FYN: variants seen among roughly 807,000 people sequenced by gnomAD.
FYN encodes the protein FYN proto-oncogene, Src family tyrosine kinase.
FYN carries 10 observed loss-of-function variants against 70.2 expected under a neutral mutation model. That is an observed-to-expected ratio of 0.14 (90% CI 0.09 to 0.24). FYN has a LOEUF of 0.24. Ranked by LOEUF, FYN falls within the 10% of genes least tolerant of loss-of-function variation. The probability of loss-of-function intolerance (pLI) is 1.00; values close to 1 mark genes in which losing one functional copy is unlikely to be tolerated. For synonymous variants in FYN, 236 were observed against 248.6 expected (o/e 0.95, Z 0.48); for missense variants, 319 against 673.1 (o/e 0.47, Z 5.82).
intron 2 of FYN, among the ~76,000 whole-genome samples, chr6:111,791,293 T>C (rs1771612523): frequency 1.3e-5 from 2 of 152,152 alleles, no homozygotes; most frequent in Non-Finnish European, 2.9e-5. Context: ...GTAATAAATG[T>C]ATAAAAGTAT....
At chr6:111,802,436 CT>C (rs71553347) in intron 2 of FYN, among the ~76,000 whole-genome samples, 73 of 120,998 alleles carry the variant, frequency 6.0e-4, no homozygotes, top group Non-Finnish European at 9.2e-4. Flanking sequence ...CAGGTAATCC[CT>C]TTTTTTTTTC....
intron 2 of FYN, among the ~76,000 whole-genome samples, chr6:111,821,757 G>A (rs1326109388): frequency 6.6e-6 from 1 of 151,914 alleles, no homozygotes; most frequent in Non-Finnish European, 1.5e-5. Context: ...CTAATATCCA[G>A]AATCTACAAA....
chr6:111,816,953 T>C (rs555232116), intron 2 of FYN, among the ~76,000 whole-genome samples: 200 of 152,330 alleles, frequency 1.3e-3, no homozygotes, highest in Non-Finnish European at 2.3e-3. Flanking sequence ...GTCTGCTACA[T>C]AGTAAGACTG....
intron 2 of FYN, among the ~76,000 whole-genome samples, chr6:111,797,549 TTAAA>T (rs1771843799): frequency 6.6e-6 from 1 of 150,766 alleles, no homozygotes; most frequent in East Asian, 1.9e-4. Context: ...TAGTGAATGG[TTAAA>T]TAAATTAGTC....
chr6:111,831,081 T>C (rs778217198), intron 2 of FYN, among the ~76,000 whole-genome samples: 3 of 152,170 alleles, frequency 2.0e-5, no homozygotes, highest in Admixed American at 1.3e-4. Context: ...AGTGTGCGTA[T>C]ACATGTACAG....
chr6:111,763,010 CTT>C (rs1256170783), intron 3 of FYN, among the ~76,000 whole-genome samples: 4 of 152,172 alleles, frequency 2.6e-5, no homozygotes, highest in Admixed American at 6.5e-5. Context: ...TGACAAGAAT[CTT>C]TATCTTTCAG....
chr6:111,681,002 C>T lies in FYN; in HGVS notation c.1274-6372G>A, dbSNP rs527489004. ...TAGCTAGGATGCTAGATGTGCACCA[C>T]CATGCCTGGCTAATGTTTAATTTAA... On this transcript the variant is annotated intron_variant, in intron 12 of 13. Coordinates refer to ENST00000354650, the MANE Select transcript of FYN (RefSeq NM_002037.5). Among the ~76,000 whole-genome samples the T allele has an allele frequency of 3.9e-4, 60 of 151,940 alleles. No homozygotes were observed. The Middle Eastern group carries it at 0.01, about 26-fold the overall frequency.
chr6:111,836,447 CCAA>C lies in FYN; in HGVS notation c.-82+10139_-82+10141del, dbSNP rs60069708. On this transcript the variant is annotated intron_variant, in intron 2 of 13. Coordinates refer to ENST00000354650, the MANE Select transcript of FYN (RefSeq NM_002037.5). Reference sequence around the variant, plus strand: ...AAAGAAAAATTTTTAAATTATATTTCCAACAACAACAACAACAACAACAAAACA... The same window carrying C: ...AAAGAAAAATTTTTAAATTATATTTCCAACAACAACAACAACAACAAAACA... 1.1e-3 allele frequency among the ~76,000 whole-genome samples: 160 copies of C among 151,812 alleles called. 1 individual carries two copies. The highest frequency in any genetic ancestry group is 3.4e-3 in the Middle Eastern group (1 of 294).
At chr6:111,829,364 T>TA (rs1772941249) in intron 2 of FYN, among the ~76,000 whole-genome samples, 1 of 152,196 alleles carries the variant, frequency 6.6e-6, no homozygotes, top group Non-Finnish European at 1.5e-5. Context: ...CACCGGTCTG[T>TA]AGTAAAATCT....
chr6:111,855,798 G>A (rs192831946), intron 1 of FYN, among the ~76,000 whole-genome samples: 2 of 152,178 alleles, frequency 1.3e-5, no homozygotes, highest in African/African-American at 4.8e-5. Flanking sequence ...TTTGAAGCCT[G>A]TAGCCAACTG....
At position 111,750,369 on chromosome 6, in the gene FYN, T is replaced by TG. The variant is rs1296196066; in HGVS notation, c.-12+30196dup. Among the ~76,000 whole-genome samples, 7 of 152,322 alleles carry TG rather than the reference T, an allele frequency of 4.6e-5. No homozygotes were observed. In the East Asian group the frequency reaches 1.4e-3, roughly 29 times the overall value. Reference sequence around the variant, plus strand: ...AGCCCTCTCTCCTGCTCCCACCATGTGAGATGCCTCGCTTCCCCTTTGCCT... The same window carrying TG: ...AGCCCTCTCTCCTGCTCCCACCATGTGGAGATGCCTCGCTTCCCCTTTGCCT... On this transcript the variant is annotated intron_variant, in intron 3 of 13. Coordinates refer to ENST00000354650, the MANE Select transcript of FYN (RefSeq NM_002037.5).
rs199837003 is a variant in FYN, at chr6:111,707,953, C to G, written c.412G>C (p.Val138Leu). 9.1e-5 allele frequency: 147 copies of G among 1,613,942 alleles called. No individual in the cohort carries two copies. The highest frequency in any genetic ancestry group is 1.2e-4 in the Non-Finnish European group (143 of 1,179,938). ...GETGYIPSNY[V>L]APVDSIQAEE... ...GCCTGGATAGAGTCAACTGGAGCCA[C>G]ATAATTGCTGGGAATGTAACCTGTC... is the stretch of plus-strand genomic sequence containing the variant. The change falls in exon 6 of 14, where the codon GTG (valine) becomes CTG (leucine). Residue 138 changes from valine (V) to leucine (L), a missense_variant. By Grantham distance (32) the Val-to-Leu change is conservative. Coordinates refer to ENST00000354650, the MANE Select transcript of FYN (RefSeq NM_002037.5).
intron 9 of FYN, chr6:111,696,909 G>C (rs943126395): frequency 3.3e-5 from 5 of 152,490 alleles, no homozygotes; most frequent in African/African-American, 9.6e-5. Flanking sequence ...GGCACCACAT[G>C]AGGATGTCTG....
At chr6:111,688,429 C>T (rs1446848726) in intron 12 of FYN, among the ~76,000 whole-genome samples, 1 of 152,156 alleles carries the variant, frequency 6.6e-6, no homozygotes, top group Non-Finnish European at 1.5e-5. Context: ...AGCAGGAGAG[C>T]ATGTCTCACA....
At chr6:111,760,955 A>C (rs1802982254) in intron 3 of FYN, among the ~76,000 whole-genome samples, 1 of 152,126 alleles carries the variant, frequency 6.6e-6, no homozygotes, top group Non-Finnish European at 1.5e-5. Context: ...CTCCATAATC[A>C]GAGGGATCCC....
chr6:111,794,918 CT>C (rs1771754075), intron 2 of FYN, among the ~76,000 whole-genome samples: 1 of 152,188 alleles, frequency 6.6e-6, no homozygotes, highest in South Asian at 2.1e-4. Flanking sequence ...CTGGGCCTGT[CT>C]CCACACTAAG....
At chr6:111,826,337 C>T (rs1162631450) in intron 2 of FYN, among the ~76,000 whole-genome samples, 3 of 152,058 alleles carry the variant, frequency 2.0e-5, no homozygotes, top group Admixed American at 6.6e-5. Context: ...AAGAAGTACG[C>T]GTGTGTGCAC....
intron 2 of FYN, among the ~76,000 whole-genome samples, chr6:111,787,573 A>C (rs986849686): frequency 1.1e-4 from 16 of 152,236 alleles, no homozygotes; most frequent in African/African-American, 3.6e-4. Flanking sequence ...CCAGTTCAAA[A>C]ATCTTCAACG....
At chr6:111,733,097 G>A (rs909051484) in intron 3 of FYN, among the ~76,000 whole-genome samples, 13 of 152,200 alleles carry the variant, frequency 8.5e-5, no homozygotes, top group Middle Eastern at 3.4e-3. Flanking sequence ...CCCCACTCCC[G>A]AGAACCAATA....
Sources: allele counts gnomAD v4.1 joint callset (sites outside exome capture counted in the v4.1 genomes callset), GRCh38; gene constraint gnomAD v4.1.1; transcripts MANE v1.5; gene names NCBI Gene and HGNC (gene_info 2026-07-23, HGNC 2026-07-21).